Variants in SLC27A6 observed in about 807,000 individuals in gnomAD.
SLC27A6 encodes solute carrier family 27 member 6.
SLC27A6 carries 74 observed loss-of-function variants against 63.9 expected under a neutral mutation model. The ratio of observed to expected loss-of-function variants is 1.16; its 90% confidence interval spans 0.96 to 1.40. The LOEUF (loss-of-function observed/expected upper bound fraction) is 1.40, where lower values mean the gene tolerates loss of function less well. Ranked by LOEUF, SLC27A6 falls within the 40% of genes most tolerant of loss-of-function variation. SLC27A6 has a pLI of 0.00. For synonymous variants in SLC27A6, 287 were observed against 260.8 expected, an observed-to-expected ratio of 1.10 and a Z score of -0.97; for missense variants, 794 against 732.9, an observed-to-expected ratio of 1.08 and a Z score of -0.96.
In SLC27A6 at chr5:128,966,380, C is replaced by G; in HGVS notation, c.243C>G (p.Thr81=). 1.2e-6 allele frequency: 2 copies of G among 1,613,578 alleles called. No homozygotes were observed. Among genetic ancestry groups the G allele is most frequent in the Non-Finnish European group, 1.7e-6 (2 of 1,179,778 alleles). Residue 81 remains threonine (T), a synonymous_variant, in exon 1 of 10, where the codon ACC becomes ACG. Coordinates refer to ENST00000262462, the MANE Select transcript of SLC27A6 (RefSeq NM_001017372.3). The part of the protein sequence containing the change: ...PFIIYEGDIY[T]YQDVDKRSSR... ...TCATCTATGAGGGAGACATCTACACCTATCAGGATGTAGACAAAAGGAGCA... is the reference window on the plus strand; with the variant it reads ...TCATCTATGAGGGAGACATCTACACGTATCAGGATGTAGACAAAAGGAGCA...
chr5:129,004,767 A>G (rs569369779), intron 4 of SLC27A6, among the ~76,000 whole-genome samples: 1 of 152,330 alleles, frequency 6.6e-6, no homozygotes, highest in East Asian at 1.9e-4. Context: ...CACTAATTTC[A>G]CAGTATCTCA....
intron 4 of SLC27A6, among the ~76,000 whole-genome samples, chr5:129,006,071 G>GTTTTCTTTTTTTTTTTT (rs1751514127): frequency 1.7e-5 from 1 of 60,148 alleles, no homozygotes; most frequent in Non-Finnish European, 2.7e-5. Context: ...TGTGCACACT[G>GTTTTCTTTTTTTTTTTT]TTTTTTTTTT....
intron 9 of SLC27A6, among the ~76,000 whole-genome samples, chr5:129,032,052 C>T (rs926717761): frequency 6.6e-6 from 1 of 151,928 alleles, no homozygotes; most frequent in Non-Finnish European, 1.5e-5. Context: ...ACTGTTTATC[C>T]ATGCCTGAAA....
chr5:128,976,962 C>G (rs753137520), intron 1 of SLC27A6, among the ~76,000 whole-genome samples: 1 of 152,086 alleles, frequency 6.6e-6, no homozygotes, highest in Non-Finnish European at 1.5e-5. Flanking sequence ...AAATCTGAAG[C>G]CTTGTGGGTG....
chr5:128,979,708 TATA>T lies in SLC27A6; in HGVS notation c.482-5418_482-5416del, dbSNP rs151095971. ...TTTTTCTTTTTTGTATAATTTTGGT[TATA>T]ATAATATAATGTATAAATTGTGTTA... On this transcript the variant is annotated intron_variant, in intron 1 of 9. Transcript: ENST00000262462. Among the ~76,000 whole-genome samples, 71 of 152,276 alleles carry T rather than the reference TATA, an allele frequency of 4.7e-4. 1 individual carries two copies. In the East Asian group the frequency reaches 0.011, roughly 24 times the overall value.
At chr5:129,017,363 A>G (rs1046232709) in intron 5 of SLC27A6, among the ~76,000 whole-genome samples, 1 of 152,170 alleles carries the variant, frequency 6.6e-6, no homozygotes, top group African/African-American at 2.4e-5. Context: ...AAATCATAAT[A>G]GAAATTAGAA....
chr5:129,021,167 A>G (rs1752063305), intron 5 of SLC27A6, among the ~76,000 whole-genome samples: 1 of 148,824 alleles, frequency 6.7e-6, no homozygotes. Context: ...TCTAAATCAT[A>G]GTGTTACCAT....
At chr5:129,016,206 C>A in intron 5 of SLC27A6, 127 bp downstream of exon 5, 1 of 607,260 alleles carries the variant, frequency 1.6e-6, no homozygotes, top group Non-Finnish European at 2.8e-6. Flanking sequence ...TCCTGGCCAA[C>A]ACAGTGAAAC....
intron 4 of SLC27A6, among the ~76,000 whole-genome samples, chr5:128,991,019 T>C (rs149334056): frequency 0.013 from 1,936 of 152,204 alleles, 47 homozygotes; most frequent in African/African-American, 0.044. Flanking sequence ...GAGTATGCAG[T>C]TGCAAGATTT....
intron 4 of SLC27A6, among the ~76,000 whole-genome samples, chr5:128,993,417 T>C (rs1373451857): frequency 6.6e-6 from 1 of 151,640 alleles, no homozygotes; most frequent in Admixed American, 6.6e-5. Context: ...TTAGAAAAAG[T>C]AAATTCGATT....
At chr5:128,994,687 G>A (rs1322145243) in intron 4 of SLC27A6, among the ~76,000 whole-genome samples, 1 of 152,146 alleles carries the variant, frequency 6.6e-6, no homozygotes, top group African/African-American at 2.4e-5. Flanking sequence ...AAAACCATGT[G>A]GTTTTAAAAT....
At chr5:128,992,526 G>A (rs759140) in intron 4 of SLC27A6, among the ~76,000 whole-genome samples, 131,952 of 151,846 alleles carry the variant, frequency 0.87, 58,453 homozygotes, top group Non-Finnish European at 0.95. Context: ...TTTGCCTGGA[G>A]TGCTTCAAAT....
chr5:129,003,767 C>G (rs1181977), intron 4 of SLC27A6, among the ~76,000 whole-genome samples: 39,041 of 151,508 alleles, frequency 0.26, 5,935 homozygotes, highest in Non-Finnish European at 0.35. Context: ...CCCAGGGGTT[C>G]AAGACCAGCC....
rs1457153525 is a variant in SLC27A6, at chr5:129,033,266, G to A, written c.1844G>A (p.Gly615Glu). 6.4e-7 allele frequency: 1 copy of A among 1,567,458 alleles called. No homozygotes were observed. The highest frequency in any genetic ancestry group is 8.7e-7 in the Non-Finnish European group (1 of 1,155,486). Reference protein sequence around the residue: ...TRELYDQIMLGEIKL With the variant: ...TRELYDQIMLEEIKL ...GAACTTTATGATCAAATAATGTTAGGGGAAATAAAACTTTAAGATTTTTAT... is the reference window on the plus strand; with the variant it reads ...GAACTTTATGATCAAATAATGTTAGAGGAAATAAAACTTTAAGATTTTTAT... The change falls in exon 10 of 10, where the codon GGG becomes GAG. Residue 615 changes from glycine to glutamate, a missense_variant. Physicochemically the swap from Gly to Glu is moderately conservative, Grantham distance 98. Transcript: ENST00000262462.
At chr5:129,017,812 T>G (rs1206327045) in intron 5 of SLC27A6, among the ~76,000 whole-genome samples, 1 of 152,126 alleles carries the variant, frequency 6.6e-6, no homozygotes, top group Non-Finnish European at 1.5e-5. Context: ...AATTATTTTA[T>G]CACACTAAAT....
intron 4 of SLC27A6, among the ~76,000 whole-genome samples, chr5:129,003,107 C>T (rs1398376926): frequency 6.6e-6 from 1 of 151,946 alleles, no homozygotes; most frequent in Non-Finnish European, 1.5e-5. Context: ...CTTTTTTGAT[C>T]TGTGTGTGTG....
At position 129,009,755 on chromosome 5, in the gene SLC27A6, A is replaced by G. The variant is rs967920513; in HGVS notation, c.970-6130A>G. Among the ~76,000 whole-genome samples the G allele has an allele frequency of 4.9e-4, 74 of 151,474 alleles. 1 individual carries two copies. The highest frequency in any genetic ancestry group is 1.7e-3 in the Admixed American group (26 of 15,204). ...AGTGGCGCGATCTCGGCTCACTGCAACCTCCACCCCCTGGGTTCAAGCAAT... is the reference window on the plus strand; with the variant it reads ...AGTGGCGCGATCTCGGCTCACTGCAGCCTCCACCCCCTGGGTTCAAGCAAT... On this transcript the variant is annotated intron_variant, in intron 4 of 9. Coordinates refer to ENST00000262462, the MANE Select transcript of SLC27A6 (RefSeq NM_001017372.3).
At chr5:128,997,576 A>G (rs1751200607) in intron 4 of SLC27A6, among the ~76,000 whole-genome samples, 2 of 152,330 alleles carry the variant, frequency 1.3e-5, no homozygotes, top group South Asian at 4.1e-4. Context: ...ATGTGTATAT[A>G]TTAAAGGCTT....
chr5:129,032,992 G>A, intron 9 of SLC27A6, 114 bp from the exon 10 acceptor site: 1 of 522,906 alleles, frequency 1.9e-6, no homozygotes, highest in South Asian at 4.7e-5. Context: ...AGAAAATACA[G>A]AGATCACTAG....
Sources: gnomAD v4.1 joint callset for allele counts (sites outside exome capture counted in the v4.1 genomes callset) on GRCh38, gnomAD v4.1.1 for gene constraint, MANE v1.5 for transcripts, NCBI Gene and HGNC (gene_info 2026-07-23, HGNC 2026-07-21) for gene names.